The following GLOD4 variants were observed in gnomAD, a reference collection of about 807,000 sequenced individuals.
GLOD4 encodes glyoxalase domain containing 4, also known as glyoxalase domain-containing protein 4.
GLOD4 carries 44 observed loss-of-function variants against 39.1 expected under a neutral mutation model. The observed-to-expected ratio is 1.13, with a 90% confidence interval of 0.88 to 1.45. GLOD4 has a LOEUF of 1.45. Among genes scored for constraint, GLOD4 ranks in the 40% most tolerant of loss-of-function variants. The pLI, the probability that GLOD4 is intolerant of heterozygous loss-of-function variation, is 0.00. For missense variants in GLOD4, 405 were observed against 366.4 expected, an observed-to-expected ratio of 1.11 and a Z score of -0.86; for synonymous variants, 145 against 135.0, an observed-to-expected ratio of 1.07 and a Z score of -0.52.
chr17:782,702 T>G, upstream of GLOD4: 4 of 1,582,900 alleles, frequency 2.5e-6, no homozygotes, highest in Non-Finnish European at 3.4e-6. Flanking sequence ...GGTGATGTGG[T>G]TCTTGAGCCT....
Position 764,417 on chromosome 17 carries a change from C to T in GLOD4, c.832-4179G>A, listed in dbSNP as rs546509383. 5 of 152,310 alleles carry T rather than the reference C, an allele frequency of 3.3e-5. No homozygotes were observed. The East Asian group carries it at 5.8e-4, about 18-fold the overall frequency. The allele number at this position is 152,310 out of a possible 1,614,324, so 9.4% of individuals were successfully genotyped here. On this transcript the variant is annotated intron_variant, in intron 8 of 8. Coordinates refer to ENST00000301329, the MANE Select transcript of GLOD4 (RefSeq NM_016080.4). ...GAGAATGTAGACCTACTGGACCTCTCGTGGACAAACGATGGTCCGATCACT... is the reference window on the plus strand; with the variant it reads ...GAGAATGTAGACCTACTGGACCTCTTGTGGACAAACGATGGTCCGATCACT...
intron 3 of GLOD4, 72 bp downstream of exon 3, chr17:776,796 G>A: frequency 9.1e-7 from 1 of 1,098,878 alleles, no homozygotes; most frequent in Non-Finnish European, 1.4e-6. Context: ...ACACACCCTT[G>A]GCACTCTACT....
chr17:763,831 G>C (rs1448494016), intron 8 of GLOD4: 1 of 152,196 alleles, frequency 6.6e-6, no homozygotes, highest in Non-Finnish European at 1.5e-5. Flanking sequence ...GGTCTGGACA[G>C]AGAAAGTGCT....
intron 8 of GLOD4, among the ~76,000 whole-genome samples, chr17:760,512 C>T (rs968082425): frequency 1.3e-5 from 2 of 152,142 alleles, no homozygotes; most frequent in Non-Finnish European, 2.9e-5. Context: ...CAAGGGCAAA[C>T]CAAGCCTGTA....
intron 8 of GLOD4, among the ~76,000 whole-genome samples, chr17:769,125 C>A (rs1263002184): frequency 6.6e-6 from 1 of 152,228 alleles, no homozygotes; most frequent in Non-Finnish European, 1.5e-5. Flanking sequence ...ATCAAAGGAG[C>A]TGCAGAGCTG....
intron 8 of GLOD4, chr17:764,019 G>A (rs193246812): frequency 4.6e-5 from 7 of 152,224 alleles, no homozygotes; most frequent in South Asian, 2.1e-4. Flanking sequence ...TACTCTCTTC[G>A]GTTGTGCATA....
chr17:768,444 AAG>A (rs1308183741), intron 8 of GLOD4, among the ~76,000 whole-genome samples: 4 of 111,504 alleles, frequency 3.6e-5, no homozygotes, highest in African/African-American at 1.3e-4. Context: ...GAGAGGACAT[AAG>A]AGGGAGAAAC....
chr17:768,886 G>A (rs1597580048), intron 8 of GLOD4, among the ~76,000 whole-genome samples: 2 of 150,958 alleles, frequency 1.3e-5, no homozygotes, highest in South Asian at 4.2e-4. Flanking sequence ...TGGAGAGGAT[G>A]TGAGAGAGAG....
At chr17:781,289 T>C (rs954208861) in intron 1 of GLOD4, among the ~76,000 whole-genome samples, 1 of 152,214 alleles carries the variant, frequency 6.6e-6, no homozygotes, top group Non-Finnish European at 1.5e-5. Context: ...CTGTGGTTTC[T>C]GCTATCGAAA....
chr17:782,444 G>A, upstream of GLOD4: 1 of 1,613,946 alleles, frequency 6.2e-7, no homozygotes, highest in Non-Finnish European at 8.5e-7. Flanking sequence ...TCCAGGCTTG[G>A]GACCTTGACG....
chr17:774,942 G>C (rs1908636668), intron 4 of GLOD4, among the ~76,000 whole-genome samples: 1 of 152,026 alleles, frequency 6.6e-6, no homozygotes, highest in South Asian at 2.1e-4. Context: ...GGTGGCATGT[G>C]CCTGTAATCT....
chr17:784,640 C>T (rs1910447759), upstream of GLOD4, among the ~76,000 whole-genome samples: 1 of 152,150 alleles, frequency 6.6e-6, no homozygotes, highest in South Asian at 2.1e-4. Context: ...CCTGGCTTAT[C>T]CTTATGTTAC....
In GLOD4 at chr17:778,754, G is replaced by A. The variant is rs1336419664; in HGVS notation, c.91-10C>T. Reference sequence around the variant, plus strand: ...CCTCATGCCGCAGAACCTGGTGTGAGATTTAGAATAAATTGTGAAGTGTTG... The same window carrying A: ...CCTCATGCCGCAGAACCTGGTGTGAAATTTAGAATAAATTGTGAAGTGTTG... On this transcript the variant is annotated splice_polypyrimidine_tract_variant and intron_variant, in intron 1 of 8. Transcript: ENST00000301329. 1.9e-6 allele frequency: 3 copies of A among 1,582,944 alleles called. No homozygotes were observed. The highest frequency in any genetic ancestry group is 1.7e-6 in the Non-Finnish European group (2 of 1,151,834).
intron 8 of GLOD4, among the ~76,000 whole-genome samples, chr17:762,801 G>A (rs1905744807): frequency 6.6e-6 from 1 of 152,226 alleles, no homozygotes; most frequent in South Asian, 2.1e-4. Flanking sequence ...TCAAGGGTGA[G>A]GGCCAATGAC....
intron 3 of GLOD4, 96 bp downstream of exon 3, chr17:776,770 TTA>T (rs1260432721): frequency 3.4e-5 from 31 of 898,770 alleles, no homozygotes; most frequent in Non-Finnish European, 5.3e-5. Context: ...TGCTCAAATG[TTA>T]TCTCTTCACT....
intron 2 of GLOD4, 166 bp downstream of exon 2, chr17:778,529 A>G (rs1909327716): frequency 4.6e-6 from 3 of 653,650 alleles, no homozygotes; most frequent in Non-Finnish European, 5.5e-6. Context: ...TATACTCATG[A>G]GAGTGCAGAG....
chr17:770,902 G>T, intron 5 of GLOD4: 1 of 203,126 alleles, frequency 4.9e-6, no homozygotes, highest in Non-Finnish European at 1.0e-5. Flanking sequence ...TGTGATTACA[G>T]ACAATGCTGC....
Position 776,963 on chromosome 17 carries a change from T to A in GLOD4, c.166A>T (p.Thr56Ser), listed in dbSNP as rs1457283959. 1.2e-6 allele frequency: 2 copies of A among 1,606,014 alleles called. No individual in the cohort carries two copies. Among genetic ancestry groups the A allele is most frequent in the Admixed American group, 3.3e-5 (2 of 60,016 alleles). Residue 56 changes from threonine to serine, a missense_variant, in exon 3 of 9, where the codon ACA (threonine) becomes TCA (serine). Transcript: ENST00000301329. Reference protein sequence around the residue: ...NGPYDGKWSKTMVGFGPEDDH... With the variant: ...NGPYDGKWSKSMVGFGPEDDH... Reference sequence around the variant, plus strand: ...TCCTCAGGCCCAAATCCCACCATTGTTTTACTCCATTTCCCATCATAAGGC... The same window carrying A: ...TCCTCAGGCCCAAATCCCACCATTGATTTACTCCATTTCCCATCATAAGGC...
At chr17:765,734 G>A (rs746352535) in intron 8 of GLOD4, among the ~76,000 whole-genome samples, 21 of 151,714 alleles carry the variant, frequency 1.4e-4, no homozygotes, top group Admixed American at 2.6e-4. Flanking sequence ...GTGAGCCACC[G>A]CACCCGGCCT....
Sources: allele counts gnomAD v4.1 joint callset (sites outside exome capture counted in the v4.1 genomes callset), GRCh38; gene constraint gnomAD v4.1.1; transcripts MANE v1.5; gene names NCBI Gene and HGNC (gene_info 2026-07-23, HGNC 2026-07-21).